Variants in LRRC8C observed in about 807,000 individuals in gnomAD.
The protein encoded by LRRC8C is leucine rich repeat containing 8 VRAC subunit C, also known as volume-regulated anion channel subunit LRRC8C.
A neutral mutation model predicts 55.3 loss-of-function variants in LRRC8C; 20 were observed. That is an observed-to-expected ratio of 0.36 (90% confidence interval 0.25 to 0.53). The LOEUF (loss-of-function observed/expected upper bound fraction) is 0.53, where lower values mean the gene tolerates loss of function less well. Ranked by LOEUF, LRRC8C falls within the 20% of genes least tolerant of loss-of-function variation. The pLI is 0.92. For missense variants in LRRC8C, 659 were observed against 951.4 expected (o/e 0.69, Z 4.04); for synonymous variants, 376 against 360.7 (o/e 1.04, Z -0.48).
At chr1:89,646,789 AAAG>A (rs1328855638) in intron 1 of LRRC8C, among the ~76,000 whole-genome samples, 1 of 152,174 alleles carries the variant, frequency 6.6e-6, no homozygotes, top group East Asian at 1.9e-4. Flanking sequence ...AGATTAAAAG[AAAG>A]AAGTAGAACT....
chr1:89,636,044 A>C (rs1656271743), intron 1 of LRRC8C, among the ~76,000 whole-genome samples: 1 of 152,226 alleles, frequency 6.6e-6, no homozygotes, highest in South Asian at 2.1e-4. Flanking sequence ...TGGCCTCCAG[A>C]AAAAGCTGCT....
chr1:89,639,286 A>G (rs574598377), intron 1 of LRRC8C, among the ~76,000 whole-genome samples: 27 of 152,258 alleles, frequency 1.8e-4, no homozygotes, highest in Non-Finnish European at 2.8e-4. Context: ...CGCCTGGCCT[A>G]CTTATTTATA....
Position 89,715,095 on chromosome 1 carries a change from C to A in LRRC8C, c.*113C>A. ...TTTTCCTTTTCACACAAAATGTACA[C>A]AAAGATCGCGTAAGGAGTATGTATT... On this transcript the variant is annotated 3_prime_UTR_variant, in exon 3 of 3. Coordinates refer to ENST00000370454, the MANE Select transcript of LRRC8C (RefSeq NM_032270.5). 1.7e-6 allele frequency: 1 copy of A among 590,132 alleles called. No homozygotes were observed. Among genetic ancestry groups the A allele is most frequent in the Non-Finnish European group, 2.8e-6 (1 of 356,782 alleles). The allele number at this position is 590,132 out of a possible 1,614,324, so 36.6% of individuals were successfully genotyped here. A position where few individuals can be genotyped will look rare whatever the true frequency, so the allele number is the denominator to read the frequency against.
chr1:89,701,906 C>T (rs931064562), intron 2 of LRRC8C, among the ~76,000 whole-genome samples: 7 of 152,028 alleles, frequency 4.6e-5, no homozygotes, highest in Non-Finnish European at 7.3e-5. Context: ...CAGTAGCAGC[C>T]AGGAGCTCAG....
chr1:89,641,182 G>A (rs1656444435), intron 1 of LRRC8C, among the ~76,000 whole-genome samples: 1 of 152,198 alleles, frequency 6.6e-6, no homozygotes, highest in Admixed American at 6.5e-5. Context: ...ATGGAAATGC[G>A]TAAGTACTAA....
intron 1 of LRRC8C, among the ~76,000 whole-genome samples, chr1:89,657,073 A>G (rs1049381804): frequency 3.3e-5 from 5 of 152,232 alleles, no homozygotes; most frequent in African/African-American, 1.2e-4. Flanking sequence ...ATTATATTAT[A>G]CAAAATGGTG....
rs374801211 is a variant in LRRC8C, at chr1:89,717,372, T to G, written c.*2390T>G. ...TCTGGTGTTAACTAAAAATCTCATA[T>G]GGGTTCATAACCGAGGTCACTAATA... On this transcript the variant is annotated 3_prime_UTR_variant, in exon 3 of 3. Transcript: ENST00000370454. 15 of 152,314 alleles carry G rather than the reference T, an allele frequency of 9.8e-5. 1 individual carries two copies. The South Asian group carries it at 1.4e-3, about 15-fold the overall frequency. The allele number at this position is 152,314 out of a possible 1,614,324, so 9.4% of individuals were successfully genotyped here.
At chr1:89,649,288 T>C (rs1239373162) in intron 1 of LRRC8C, among the ~76,000 whole-genome samples, 1 of 152,188 alleles carries the variant, frequency 6.6e-6, no homozygotes, top group Non-Finnish European at 1.5e-5. Context: ...TCAAATTTTA[T>C]ATAATTAATT....
intron 1 of LRRC8C, among the ~76,000 whole-genome samples, chr1:89,672,119 C>T (rs1033117033): frequency 2.6e-4 from 40 of 152,126 alleles, no homozygotes; most frequent in African/African-American, 9.2e-4. Flanking sequence ...AAACAAACAA[C>T]AAAAAAAGCC....
chr1:89,617,389 T>C, the LRRC8C span, among the ~76,000 whole-genome samples: 1 of 152,244 alleles, frequency 6.6e-6, no homozygotes, highest in Non-Finnish European at 1.5e-5. Context: ...TGACTCCTCC[T>C]GTCTTCAGAT....
intron 2 of LRRC8C, among the ~76,000 whole-genome samples, chr1:89,690,636 T>A (rs542990256): frequency 6.6e-6 from 1 of 152,332 alleles, no homozygotes; most frequent in East Asian, 1.9e-4. Context: ...TATGAAAATG[T>A]CTATAATGAG....
intron 2 of LRRC8C, among the ~76,000 whole-genome samples, chr1:89,697,407 T>C (rs1658203226): frequency 6.6e-6 from 1 of 152,222 alleles, no homozygotes; most frequent in Non-Finnish European, 1.5e-5. Context: ...TTTATTCTAC[T>C]CCTGCTCACA....
At chr1:89,685,831 A>G (rs2101282400) in intron 1 of LRRC8C, among the ~76,000 whole-genome samples, 1 of 152,228 alleles carries the variant, frequency 6.6e-6, no homozygotes, top group East Asian at 1.9e-4. Flanking sequence ...AACAGAGAAA[A>G]AAATCAAGAT....
In LRRC8C at chr1:89,707,213, C is replaced by T. The variant is rs1658506088; in HGVS notation, c.139-5496C>T. ...CTTGAGGTCAGGAGTTCAAGACCAG[C>T]CTGGCCAATATAGTGAAACCGCATC... On this transcript the variant is annotated intron_variant, in intron 2 of 2. Transcript: ENST00000370454. Among the ~76,000 whole-genome samples the T allele has an allele frequency of 2.6e-5, 4 of 152,018 alleles. No homozygotes were observed. The East Asian group carries it at 5.8e-4, about 22-fold the overall frequency.
At chr1:89,701,924 T>TA (rs1658339606) in intron 2 of LRRC8C, among the ~76,000 whole-genome samples, 3 of 152,238 alleles carry the variant, frequency 2.0e-5, no homozygotes. Flanking sequence ...CAGCTCCTGC[T>TA]AGTAAAGGGA....
intron 2 of LRRC8C, among the ~76,000 whole-genome samples, chr1:89,692,438 G>T (rs547874327): frequency 1.1e-4 from 17 of 152,140 alleles, no homozygotes; most frequent in Admixed American, 2.0e-4. Flanking sequence ...CTAAAAGATT[G>T]TATTCATATA....
intron 2 of LRRC8C, among the ~76,000 whole-genome samples, chr1:89,700,605 T>C (rs1397061480): frequency 2.6e-5 from 4 of 152,244 alleles, no homozygotes; most frequent in Admixed American, 2.6e-4. Flanking sequence ...CCCTGGAGAA[T>C]AGATCTTTGG....
chr1:89,627,534 G>GA, the LRRC8C span, among the ~76,000 whole-genome samples: 1 of 152,028 alleles, frequency 6.6e-6, no homozygotes, highest in Non-Finnish European at 1.5e-5. Context: ...TACACTAGTG[G>GA]AAAAAGCACA....
chr1:89,711,316 T>C (rs1472532142), intron 2 of LRRC8C, among the ~76,000 whole-genome samples: 1 of 152,228 alleles, frequency 6.6e-6, no homozygotes, highest in East Asian at 1.9e-4. Flanking sequence ...CACCAGCTCG[T>C]GGTCACCTTA....
Sources: gnomAD v4.1 joint callset for allele counts (sites outside exome capture counted in the v4.1 genomes callset) on GRCh38, gnomAD v4.1.1 for gene constraint, MANE v1.5 for transcripts, NCBI Gene and HGNC (gene_info 2026-07-23, HGNC 2026-07-21) for gene names.